The following SLC36A1 variants were observed in gnomAD, a reference collection of about 807,000 sequenced individuals.
The protein encoded by SLC36A1 is solute carrier family 36 member 1.
SLC36A1 carries 30 observed loss-of-function variants against 47.5 expected under a neutral mutation model. That is an observed-to-expected ratio of 0.63 (90% CI 0.47 to 0.86). The LOEUF (loss-of-function observed/expected upper bound fraction) is 0.86, where lower values mean the gene tolerates loss of function less well. Among genes scored for constraint, SLC36A1 ranks in the 40% least tolerant of loss-of-function variants. SLC36A1 has a pLI of 0.00. For missense variants in SLC36A1, 517 were observed against 606.0 expected (o/e 0.85, Z 1.54); for synonymous variants, 255 against 249.7 (o/e 1.02, Z -0.20).
the SLC36A1 span, among the ~76,000 whole-genome samples, chr5:151,396,168 T>A: frequency 1.7e-4 from 26 of 148,898 alleles, no homozygotes; most frequent in African/African-American, 5.9e-4. Flanking sequence ...ATATATATAT[T>A]TTGGCACAAT....
the SLC36A1 span, among the ~76,000 whole-genome samples, chr5:151,348,483 C>T: frequency 6.6e-6 from 1 of 152,212 alleles, no homozygotes; most frequent in South Asian, 2.1e-4. Flanking sequence ...TTCTTAAGGG[C>T]TTATTACATG....
the SLC36A1 span, among the ~76,000 whole-genome samples, chr5:151,536,353 C>G: frequency 5.3e-5 from 8 of 152,132 alleles, no homozygotes; most frequent in Non-Finnish European, 1.2e-4. Context: ...ACAGCATTGT[C>G]CCCTATCTAC....
the SLC36A1 span, chr5:151,550,692 TC>T: frequency 6.2e-7 from 1 of 1,614,222 alleles, no homozygotes; most frequent in Non-Finnish European, 8.5e-7. Flanking sequence ...GGCTGGCACT[TC>T]CTGGGTCTTG....
chr5:151,372,470 G>A, the SLC36A1 span, among the ~76,000 whole-genome samples: 1 of 151,608 alleles, frequency 6.6e-6, no homozygotes, highest in South Asian at 2.1e-4. Flanking sequence ...TAGAAACAAG[G>A]TCTCACTTTG....
the SLC36A1 span, chr5:151,521,848 G>A: frequency 2.2e-5 from 35 of 1,614,062 alleles, no homozygotes; most frequent in South Asian, 6.6e-5. Context: ...GCCATCAGGC[G>A]CACCCACTGA....
chr5:151,479,521 T>C (rs759719482), intron 10 of SLC36A1, 32 bp downstream of exon 10: 1 of 1,600,382 alleles, frequency 6.2e-7, no homozygotes, highest in Admixed American at 1.7e-5. Context: ...CCTTGCTTGT[T>C]TTTCCCTAAA....
At chr5:151,417,012 C>T in the SLC36A1 span, among the ~76,000 whole-genome samples, 1 of 152,230 alleles carries the variant, frequency 6.6e-6, no homozygotes. Flanking sequence ...TCTTTGCCTT[C>T]TGCCATGATT....
In SLC36A1 at chr5:151,488,920, A is replaced by C. The variant is rs1236878020; in HGVS notation, c.*666A>C. ...TCTTAGTTGCTTTAGCTCTTAAAAC[A>C]TACGAAGTGTTGCCTAAACTGAAAA... On this transcript the variant is annotated 3_prime_UTR_variant, in exon 11 of 11. Transcript: ENST00000243389. The C allele has an allele frequency of 6.6e-6, 1 of 152,296 alleles. No homozygotes were observed. The highest frequency in any genetic ancestry group is 2.4e-5 in the African/African-American group (1 of 41,466). The allele number at this position is 152,296 out of a possible 1,614,324, so 9.4% of individuals were successfully genotyped here.
the SLC36A1 span, chr5:151,543,989 T>C: frequency 6.2e-7 from 1 of 1,614,210 alleles, no homozygotes; most frequent in Non-Finnish European, 8.5e-7. Context: ...TGAGGTTGTC[T>C]GAACTCTGGG....
the SLC36A1 span, chr5:151,347,300 A>C: frequency 6.2e-6 from 10 of 1,614,068 alleles, no homozygotes; most frequent in Non-Finnish European, 8.5e-6. Context: ...CACTCACGTT[A>C]TGCCCTTGGT....
the SLC36A1 span, among the ~76,000 whole-genome samples, chr5:151,391,294 A>G: frequency 6.6e-6 from 1 of 152,004 alleles, no homozygotes; most frequent in Non-Finnish European, 1.5e-5. Context: ...TCAGCTTGAG[A>G]TTTTGGGCTG....
At chr5:151,521,666 G>C in the SLC36A1 span, 1 of 1,614,052 alleles carries the variant, frequency 6.2e-7, no homozygotes, top group Non-Finnish European at 8.5e-7. Context: ...TCACTCACCA[G>C]CTCCTCGGGG....
chr5:151,361,688 A>C, the SLC36A1 span, among the ~76,000 whole-genome samples: 11 of 152,258 alleles, frequency 7.2e-5, no homozygotes, highest in Middle Eastern at 3.4e-3. Flanking sequence ...TATAGCTTCA[A>C]ATGTTTTCTT....
the SLC36A1 span, chr5:151,509,946 G>T: frequency 1.3e-6 from 2 of 1,537,088 alleles, no homozygotes; most frequent in Non-Finnish European, 1.8e-6. Context: ...CCTCCCATTG[G>T]ACTTTCTAGA....
At chr5:151,518,896 C>A in the SLC36A1 span, among the ~76,000 whole-genome samples, 1 of 152,180 alleles carries the variant, frequency 6.6e-6, no homozygotes, top group Admixed American at 6.5e-5. Flanking sequence ...ATCCCCAAAA[C>A]CCCAGTGTAA....
chr5:151,427,201 C>T, the SLC36A1 span, among the ~76,000 whole-genome samples: 1 of 152,222 alleles, frequency 6.6e-6, no homozygotes, highest in Non-Finnish European at 1.5e-5. Context: ...TTGCCACTCT[C>T]AGCCAAGCTG....
At chr5:151,428,839 G>T in the SLC36A1 span, among the ~76,000 whole-genome samples, 6 of 152,234 alleles carry the variant, frequency 3.9e-5, no homozygotes, top group East Asian at 1.2e-3. Flanking sequence ...CACCATGTTG[G>T]CCAGGCTGGT....
the SLC36A1 span, among the ~76,000 whole-genome samples, chr5:151,553,986 A>G: frequency 8.4e-3 from 1,278 of 152,330 alleles, 16 homozygotes; most frequent in African/African-American, 0.029. Flanking sequence ...GCTTCTCACA[A>G]GAAAGACGTT....
chr5:151,367,141 C>T, the SLC36A1 span, among the ~76,000 whole-genome samples: 2 of 152,160 alleles, frequency 1.3e-5, no homozygotes, highest in Non-Finnish European at 2.9e-5. Flanking sequence ...GGTCTGTGTT[C>T]AGCAGTGCAC....
Sources: gnomAD v4.1 joint callset for allele counts (sites outside exome capture counted in the v4.1 genomes callset) on GRCh38, gnomAD v4.1.1 for gene constraint, MANE v1.5 for transcripts, NCBI Gene and HGNC (gene_info 2026-07-23, HGNC 2026-07-21) for gene names.